ACAD10: variants seen among roughly 807,000 people sequenced by gnomAD.
The protein encoded by ACAD10 is acyl-CoA dehydrogenase family member 10, also known as ACAD-10.
Under a neutral mutation model 116.8 loss-of-function variants are expected in ACAD10, and 112 were observed. That is an observed-to-expected ratio of 0.96 (90% CI 0.82 to 1.12). The LOEUF is 1.12. ACAD10 is among the 50% of genes most tolerant of loss of function. The probability of loss-of-function intolerance (pLI) is 0.00; values close to 1 mark genes in which losing one functional copy is unlikely to be tolerated. For missense variants in ACAD10, 1,259 were observed against 1,350.2 expected (o/e 0.93, Z 1.06); for synonymous variants, 486 against 510.6 (o/e 0.95, Z 0.65).
At chr12:111,731,320 G>A (rs1051557619) in intron 10 of ACAD10, among the ~76,000 whole-genome samples, 2 of 152,228 alleles carry the variant, frequency 1.3e-5, no homozygotes, top group African/African-American at 4.8e-5. Context: ...TGCCTTGAAC[G>A]TGGCATGCAG....
At chr12:111,691,530 G>A (rs993864333) in intron 1 of ACAD10, among the ~76,000 whole-genome samples, 5 of 151,868 alleles carry the variant, frequency 3.3e-5, no homozygotes, top group Admixed American at 6.6e-5. Flanking sequence ...GCATGTAGAT[G>A]TGTATGTCCA....
intron 5 of ACAD10, chr12:111,710,090 C>CTT (rs762530458): frequency 2.5e-3 from 646 of 255,746 alleles, no homozygotes; most frequent in South Asian, 4.5e-3. Flanking sequence ...TTTTTCTATT[C>CTT]TTTTTTTTTT....
Position 111,744,630 on chromosome 12 carries a change from T to G in ACAD10, c.1715-13T>G. The G allele has an allele frequency of 6.2e-7, 1 of 1,601,402 alleles. No individual in the cohort carries two copies. The highest frequency in any genetic ancestry group is 8.5e-7 in the Non-Finnish European group (1 of 1,172,464). ...TGTGGGAGTAATCACTGTTTTTCTT[T>G]GATTCTGCTTAGGGCAAGCAAGCTC... On this transcript the variant is annotated splice_polypyrimidine_tract_variant and intron_variant, in intron 12 of 20. Coordinates refer to ENST00000313698, the MANE Select transcript of ACAD10 (RefSeq NM_025247.6).
intron 3 of ACAD10, among the ~76,000 whole-genome samples, chr12:111,703,083 C>CAA (rs1205550152): frequency 0.025 from 1,918 of 78,256 alleles, 56 homozygotes; most frequent in African/African-American, 0.077. Context: ...GACTCTGTCT[C>CAA]AAAAAAAAAA....
At chr12:111,720,485 ATACT>A (rs1888985155) in intron 7 of ACAD10, among the ~76,000 whole-genome samples, 1 of 152,172 alleles carries the variant, frequency 6.6e-6, no homozygotes, top group Non-Finnish European at 1.5e-5. Context: ...TAGCACATAC[ATACT>A]TATGATTGTA....
chr12:111,693,983 T>C (rs1888126555), intron 2 of ACAD10, among the ~76,000 whole-genome samples: 1 of 152,186 alleles, frequency 6.6e-6, no homozygotes, highest in African/African-American at 2.4e-5. Flanking sequence ...TTGTGGTCTG[T>C]CTTGGCTGTG....
At chr12:111,704,241 A>G (rs1163431536) in intron 3 of ACAD10, among the ~76,000 whole-genome samples, 1 of 151,680 alleles carries the variant, frequency 6.6e-6, no homozygotes, top group East Asian at 1.9e-4. Flanking sequence ...TCCCGGGTTC[A>G]AGCGATTCTC....
intron 20 of ACAD10, 71 bp downstream of exon 20, chr12:111,755,816 C>A: frequency 6.9e-7 from 1 of 1,451,022 alleles, no homozygotes; most frequent in East Asian, 2.3e-5. Flanking sequence ...TATCTTCAGC[C>A]GCCCAGCCTC....
chr12:111,723,066 G>T, intron 8 of ACAD10, among the ~76,000 whole-genome samples: 1 of 145,468 alleles, frequency 6.9e-6, no homozygotes, highest in African/African-American at 2.5e-5. Context: ...GGGCAGAGGG[G>T]CTCCTCACTT....
chr12:111,756,403 G>A lies in ACAD10; in HGVS notation c.3110G>A (p.Arg1037His), dbSNP rs202009645. 1.4e-5 allele frequency: 22 copies of A among 1,612,286 alleles called. No individual in the cohort carries two copies. Among genetic ancestry groups the A allele is most frequent in the East Asian group, 2.2e-5 (1 of 44,870 alleles). The stretch of plus-strand genomic sequence containing the variant: ...TTCTTCACCTGGGCCCGAGCCCTGC[G>A]CTTTGCCGACGGCCCTGACGAGGTG... ...AQFFTWARALRFADGPDEVHR... is the reference protein window; with the variant it reads ...AQFFTWARALHFADGPDEVHR... Residue 1037 changes from arginine (R) to histidine (H), a missense_variant, in exon 21 of 21, where the codon CGC (arginine) becomes CAC (histidine). Transcript: ENST00000313698.
chr12:111,709,967 C>T (rs1186711030), intron 5 of ACAD10: 13 of 393,176 alleles, frequency 3.3e-5, no homozygotes, highest in Non-Finnish European at 5.6e-5. Flanking sequence ...ACACTGTCCT[C>T]ATGATCCAGT....
chr12:111,724,758 C>T (rs897940117), intron 8 of ACAD10, among the ~76,000 whole-genome samples: 11 of 151,192 alleles, frequency 7.3e-5, no homozygotes, highest in African/African-American at 2.2e-4. Flanking sequence ...AGTCCAGCTT[C>T]GGCTCGGCAT....
intron 16 of ACAD10, among the ~76,000 whole-genome samples, chr12:111,748,110 T>C (rs986204810): frequency 1.3e-5 from 2 of 152,226 alleles, no homozygotes; most frequent in African/African-American, 2.4e-5. Context: ...CTTGCTCTTA[T>C]GATGTTGGAT....
chr12:111,709,534 G>C lies in ACAD10; in HGVS notation c.540G>C (p.Glu180Asp). The change falls in exon 5 of 21, where the codon GAG (glutamate) becomes GAC (aspartate). Residue 180 changes from glutamate (E) to aspartate (D), a missense_variant. Transcript: ENST00000313698. ...LDRKQFDVIV[E>D]SCMEGICKPD... ...TCCTGTCCCTCCATCAGATTGTGGA[G>C]TCCTGCATGGAAGGGATCTGTAAGC... is the stretch of plus-strand genomic sequence containing the variant. 1 of 1,592,916 alleles carries C rather than the reference G, an allele frequency of 6.3e-7. No individual in the cohort carries two copies. Among genetic ancestry groups the C allele is most frequent in the South Asian group, 1.1e-5 (1 of 87,546 alleles).
chr12:111,713,221 G>A (rs1431327501), intron 6 of ACAD10, among the ~76,000 whole-genome samples: 1 of 151,776 alleles, frequency 6.6e-6, no homozygotes, highest in African/African-American at 2.4e-5. Context: ...TGAGGCAGGA[G>A]AATTGCTTGA....
intron 8 of ACAD10, among the ~76,000 whole-genome samples, chr12:111,727,730 TG>T (rs1484449324): frequency 6.6e-6 from 1 of 151,980 alleles, no homozygotes; most frequent in Non-Finnish European, 1.5e-5. Context: ...TGTGCACGTG[TG>T]TATGTATATG....
intron 5 of ACAD10, among the ~76,000 whole-genome samples, chr12:111,711,729 A>G (rs547835000): frequency 1.9e-4 from 26 of 138,348 alleles, no homozygotes; most frequent in Non-Finnish European, 2.2e-4. Flanking sequence ...AGCCAGGATG[A>G]TCTCGATCTC....
intron 12 of ACAD10, among the ~76,000 whole-genome samples, chr12:111,742,384 A>G (rs921502546): frequency 3.9e-5 from 6 of 152,200 alleles, no homozygotes; most frequent in African/African-American, 7.2e-5. Flanking sequence ...GGAAGAGGCT[A>G]TCTGGTTTCT....
intron 3 of ACAD10, among the ~76,000 whole-genome samples, chr12:111,704,886 A>G (rs1277766741): frequency 6.6e-6 from 1 of 151,460 alleles, no homozygotes; most frequent in Non-Finnish European, 1.5e-5. Context: ...AAGGGGTTTC[A>G]CCATGTTAGC....
Sources: gnomAD v4.1 joint callset for allele counts (sites outside exome capture counted in the v4.1 genomes callset) on GRCh38, gnomAD v4.1.1 for gene constraint, MANE v1.5 for transcripts, NCBI Gene and HGNC (gene_info 2026-07-23, HGNC 2026-07-21) for gene names.